CLN8: variants seen among roughly 807,000 people sequenced by gnomAD.
CLN8 encodes the protein CLN8 transmembrane ER and ERGIC protein.
In CLN8, 14 loss-of-function variants were observed where a neutral mutation model predicts 15.7. The observed-to-expected ratio is 0.89, with a 90% CI of 0.59 to 1.39. CLN8 has a LOEUF of 1.39. Among genes scored for constraint, CLN8 ranks in the 40% most tolerant of loss-of-function variants. The pLI is 0.00. For missense variants in CLN8, 415 were observed against 364.0 expected (o/e 1.14, Z -1.14); for synonymous variants, 188 against 151.0 (o/e 1.25, Z -1.80).
chr8:1,775,012 T>G (rs1194362454), intron 2 of CLN8, among the ~76,000 whole-genome samples: 1 of 152,152 alleles, frequency 6.6e-6, no homozygotes, highest in Non-Finnish European at 1.5e-5. Flanking sequence ...AGTTTTTATA[T>G]ATTTTGTATA....
chr8:1,776,091 A>G (rs1801501270), intron 2 of CLN8, among the ~76,000 whole-genome samples: 1 of 151,768 alleles, frequency 6.6e-6, no homozygotes, highest in Non-Finnish European at 1.5e-5. Flanking sequence ...TGCTCCACAC[A>G]CATGATGACA....
chr8:1,774,525 C>T (rs1262078174), intron 2 of CLN8, among the ~76,000 whole-genome samples: 1 of 152,256 alleles, frequency 6.6e-6, no homozygotes, highest in Admixed American at 6.5e-5. Flanking sequence ...CATTTCTCCC[C>T]CATCAAGGTC....
intron 1 of CLN8, among the ~76,000 whole-genome samples, chr8:1,768,102 C>G (rs1328981697): frequency 6.6e-6 from 1 of 151,962 alleles, no homozygotes; most frequent in Non-Finnish European, 1.5e-5. Context: ...CACCACCACG[C>G]CTGGCTGATT....
intron 2 of CLN8, among the ~76,000 whole-genome samples, chr8:1,774,706 T>G (rs998497110): frequency 6.6e-6 from 1 of 152,194 alleles, no homozygotes; most frequent in Non-Finnish European, 1.5e-5. Context: ...ATAAAAGCAC[T>G]GTCAGGCCAA....
In CLN8 at chr8:1,782,786, A is replaced by G. The variant is rs766695317; in HGVS notation, c.*2219A>G. On this transcript the variant is annotated 3_prime_UTR_variant, in exon 3 of 3. Transcript: ENST00000331222. ...CTTGGAGATAGAAAATATAATGATAAATTCATCATGTGTTCAGAATTCGAT... is the reference window on the plus strand; with the variant it reads ...CTTGGAGATAGAAAATATAATGATAGATTCATCATGTGTTCAGAATTCGAT... 1 of 152,198 alleles carries G rather than the reference A, an allele frequency of 6.6e-6. No individual in the cohort carries two copies. The highest frequency in any genetic ancestry group is 1.5e-5 in the Non-Finnish European group (1 of 68,040). 9.4% of individuals were successfully genotyped at this position (152,198 alleles called of 1,614,324 possible).
At position 1,771,319 on chromosome 8, in the gene CLN8, C is replaced by G. The variant is rs1486320972; in HGVS notation, c.265C>G (p.Pro89Ala). 2 of 1,614,140 alleles carry G rather than the reference C, an allele frequency of 1.2e-6. No individual in the cohort carries two copies. Among genetic ancestry groups the G allele is most frequent in the Non-Finnish European group, 1.7e-6 (2 of 1,180,034 alleles). The change falls in exon 2 of 3, where the codon CCT becomes GCT. Residue 89 changes from proline (P) to alanine (A), a missense_variant. Transcript: ENST00000331222. Reference protein sequence around the residue: ...AAGLWALLGDPVLHADKARGQ... With the variant: ...AAGLWALLGDAVLHADKARGQ... The stretch of plus-strand genomic sequence containing the variant: ...AGGCCTGTGGGCTCTGCTGGGGGAC[C>G]CTGTGCTGCATGCCGACAAGGCGCG...
At chr8:1,753,569 CA>C (rs71190758), upstream of CLN8, among the ~76,000 whole-genome samples, 219 of 102,580 alleles carry the variant, frequency 2.1e-3, 2 homozygotes, top group Admixed American at 4.2e-3. Flanking sequence ...GAAACTGTTT[CA>C]AAAAAAAAAA....
intron 1 of CLN8, among the ~76,000 whole-genome samples, chr8:1,766,704 G>T (rs1801076208): frequency 6.6e-6 from 1 of 152,146 alleles, no homozygotes. Flanking sequence ...TCGGCCTCCA[G>T]TTTTACCCAT....
chr8:1,780,519 G>A lies in CLN8; in HGVS notation c.813G>A (p.Lys271=), dbSNP rs947633775. Residue 271 remains lysine (K), a synonymous_variant, in exon 3 of 3, where the codon AAG becomes AAA. Coordinates refer to ENST00000331222, the MANE Select transcript of CLN8 (RefSeq NM_018941.4). The stretch of plus-strand genomic sequence containing the variant: ...GGAACTTCGCACAGCCAGAAGCCAA[G>A]AGCAGGCCAGAAGGCAACGGGCAGC... ...VDWNFAQPEA[K]SRPEGNGQLL... The A allele has an allele frequency of 6.2e-7, 1 of 1,614,238 alleles. No homozygotes were observed.
At position 1,770,998 on chromosome 8, in the gene CLN8, A is replaced by G; in HGVS notation, c.-57A>G. 2 of 1,542,292 alleles carry G rather than the reference A, an allele frequency of 1.3e-6. No individual in the cohort carries two copies. Among genetic ancestry groups the G allele is most frequent in the Non-Finnish European group, 1.8e-6 (2 of 1,117,652 alleles). ...GACTTCATTTCCTTAGACAAGACAC[A>G]GTGTAGGGCCCGGCCCGTGTTGGCC... On this transcript the variant is annotated 5_prime_UTR_variant, in exon 2 of 3. Coordinates refer to ENST00000331222, the MANE Select transcript of CLN8 (RefSeq NM_018941.4).
intron 1 of CLN8, among the ~76,000 whole-genome samples, chr8:1,767,313 T>G (rs1801103744): frequency 2.0e-5 from 3 of 152,198 alleles, no homozygotes; most frequent in Admixed American, 1.3e-4. Context: ...CTGCTGTTTC[T>G]GCATCCCTAA....
upstream of CLN8, chr8:1,763,245 C>T (rs1204477285): frequency 6.6e-6 from 1 of 151,956 alleles, no homozygotes; most frequent in East Asian, 1.9e-4. Context: ...TTTCAGGTCC[C>T]CTCGGCCCCG....
upstream of CLN8, among the ~76,000 whole-genome samples, chr8:1,761,555 C>T (rs557509299): frequency 1.3e-5 from 2 of 152,328 alleles, no homozygotes; most frequent in Admixed American, 6.5e-5. Flanking sequence ...GAACTTCTGA[C>T]CTCAAGTGAT....
chr8:1,764,434 C>T (rs1800960222), intron 1 of CLN8: 1 of 152,392 alleles, frequency 6.6e-6, no homozygotes, highest in African/African-American at 2.4e-5. Context: ...GTCAGCTCAC[C>T]TGTGTGCCCA....
chr8:1,755,524 G>A (rs1800649852), upstream of CLN8, among the ~76,000 whole-genome samples: 1 of 152,146 alleles, frequency 6.6e-6, no homozygotes, highest in Non-Finnish European at 1.5e-5. Flanking sequence ...GAGACAGCTG[G>A]CTTGTGTTAC....
chr8:1,759,707 C>T (rs1316209485), upstream of CLN8: 1 of 152,208 alleles, frequency 6.6e-6, no homozygotes, highest in Non-Finnish European at 1.5e-5. Flanking sequence ...TCCAGAGACC[C>T]TCATGCTTCC....
rs1801298260 is a variant in CLN8 at position 1,771,380 on chromosome 8, C to G, written c.326C>G (p.Thr109Arg). ...QQNWCWFHIT[T>R]ATGFFCFENV... ...AACTGGTGCTGGTTTCACATCACGA[C>G]AGCAACGGGATTCTTTTGCTTTGAA... The change falls in exon 2 of 3, where the codon ACA becomes AGA. Residue 109 changes from threonine (T) to arginine (R), a missense_variant. Transcript: ENST00000331222. 1.2e-6 allele frequency: 2 copies of G among 1,614,094 alleles called. No homozygotes were observed. Among genetic ancestry groups the G allele is most frequent in the African/African-American group, 2.7e-5 (2 of 74,944 alleles).
At chr8:1,764,349 G>A (rs1563102773) in intron 1 of CLN8, 2 of 134,220 alleles carry the variant, frequency 1.5e-5, no homozygotes, top group African/African-American at 5.5e-5. Context: ...CCGGACGGAG[G>A]GAGGGGACAG....
At chr8:1,758,222 T>C (rs1385624535) in intron 1 of CLN8, 5 of 152,240 alleles carry the variant, frequency 3.3e-5, no homozygotes, top group Non-Finnish European at 5.9e-5. Context: ...TTTTCTATAA[T>C]GAGTTCTTTT....
Sources: gnomAD v4.1 joint callset for allele counts (sites outside exome capture counted in the v4.1 genomes callset) on GRCh38, gnomAD v4.1.1 for gene constraint, MANE v1.5 for transcripts, NCBI Gene and HGNC (gene_info 2026-07-23, HGNC 2026-07-21) for gene names.